The following PLEKHA2 variants were observed in gnomAD, a reference collection of about 807,000 sequenced individuals.
PLEKHA2 encodes the protein pleckstrin homology domain-containing family A member 2.
A neutral mutation model predicts 53.2 loss-of-function variants in PLEKHA2; 28 were observed. The ratio of observed to expected loss-of-function variants is 0.53; its 90% CI spans 0.39 to 0.72. PLEKHA2 has a LOEUF of 0.72. PLEKHA2 is among the 30% of genes least tolerant of loss of function. The pLI is 0.00. For synonymous variants in PLEKHA2, 193 were observed against 196.4 expected (o/e 0.98, Z 0.14); for missense variants, 426 against 537.9 (o/e 0.79, Z 2.06).
At chr8:38,932,340 G>A (rs1019585877) in intron 2 of PLEKHA2, among the ~76,000 whole-genome samples, 1 of 152,190 alleles carries the variant, frequency 6.6e-6, no homozygotes, top group Non-Finnish European at 1.5e-5. Context: ...ATTCTGGTGT[G>A]CACCAAAGTT....
intron 3 of PLEKHA2, among the ~76,000 whole-genome samples, chr8:38,939,509 C>T (rs1286064804): frequency 6.6e-6 from 1 of 152,172 alleles, no homozygotes; most frequent in Non-Finnish European, 1.5e-5. Context: ...TGCCTCCTGA[C>T]CAAAACTGGA....
intron 2 of PLEKHA2, among the ~76,000 whole-genome samples, chr8:38,931,003 C>T (rs1834382851): frequency 1.3e-5 from 2 of 152,272 alleles, no homozygotes; most frequent in South Asian, 2.1e-4. Context: ...GGCCAGGAGA[C>T]ATGGTGGCCC....
intron 6 of PLEKHA2, among the ~76,000 whole-genome samples, chr8:38,951,878 A>T (rs1167515461): frequency 6.6e-6 from 1 of 151,942 alleles, no homozygotes; most frequent in Admixed American, 6.6e-5. Context: ...TTTAATTTTT[A>T]AATTTTAAAA....
intron 10 of PLEKHA2, among the ~76,000 whole-genome samples, chr8:38,963,839 A>G (rs978667335): frequency 6.6e-6 from 1 of 151,986 alleles, no homozygotes; most frequent in Non-Finnish European, 1.5e-5. Flanking sequence ...CTGAGTTACT[A>G]TCTAGGTTAT....
intron 2 of PLEKHA2, 46 bp downstream of exon 2, chr8:38,918,116 C>A: frequency 6.3e-7 from 1 of 1,589,698 alleles, no homozygotes; most frequent in South Asian, 1.1e-5. Context: ...GTGCCCATCA[C>A]TGCGCCAGAG....
In PLEKHA2 at chr8:38,952,218, G is replaced by C; in HGVS notation, c.539G>C (p.Arg180Pro). ...GAGCCCGGGTCCCACACCATCCTTC[G>C]AAGGTCTCAGAGTTACATCCCCACG... The part of the protein sequence containing the change: ...GSEPGSHTIL[R>P]RSQSYIPTSG... The change falls in exon 7 of 12, where the codon CGA becomes CCA. Residue 180 changes from arginine to proline, a missense_variant. Transcript: ENST00000617275. 1 of 1,613,024 alleles carries C rather than the reference G, an allele frequency of 6.2e-7. No individual in the cohort carries two copies. Among genetic ancestry groups the C allele is most frequent in the South Asian group, 1.1e-5 (1 of 90,702 alleles).
At chr8:38,934,471 A>G (rs1415430380) in intron 2 of PLEKHA2, among the ~76,000 whole-genome samples, 2 of 151,710 alleles carry the variant, frequency 1.3e-5, no homozygotes, top group Non-Finnish European at 2.9e-5. Context: ...TCTCTCTTCC[A>G]GAGATTTTTC....
chr8:38,933,385 G>A (rs1211844449), intron 2 of PLEKHA2, among the ~76,000 whole-genome samples: 1 of 152,162 alleles, frequency 6.6e-6, no homozygotes, highest in Non-Finnish European at 1.5e-5. Context: ...TAATGTCACA[G>A]CTAGAATTCC....
At chr8:38,907,492 A>G (rs1225633825) in intron 1 of PLEKHA2, among the ~76,000 whole-genome samples, 1 of 152,186 alleles carries the variant, frequency 6.6e-6, no homozygotes, top group East Asian at 1.9e-4. Flanking sequence ...AAATAAATCT[A>G]TCTGGCTGGG....
intron 9 of PLEKHA2, among the ~76,000 whole-genome samples, chr8:38,955,312 A>G (rs1426769033): frequency 6.6e-6 from 1 of 152,192 alleles, no homozygotes; most frequent in Non-Finnish European, 1.5e-5. Context: ...TTTACTGGCT[A>G]TGCATGAGTA....
At chr8:38,902,946 T>C (rs980708002) in intron 1 of PLEKHA2, among the ~76,000 whole-genome samples, 30 of 152,248 alleles carry the variant, frequency 2.0e-4, no homozygotes, top group Admixed American at 3.3e-4. Context: ...CTTCACCATG[T>C]GCCGCCTGAA....
At chr8:38,918,269 C>G (rs1299906684) in intron 2 of PLEKHA2, among the ~76,000 whole-genome samples, 199 bp downstream of exon 2, 1 of 151,354 alleles carries the variant, frequency 6.6e-6, no homozygotes, top group Non-Finnish European at 1.5e-5. Context: ...ACACCCCATA[C>G]ACACCACACA....
rs949986682 is a variant in PLEKHA2 at position 38,950,974 on chromosome 8, A to C, written c.470A>C (p.His157Pro). Residue 157 changes from histidine (H) to proline (P), a missense_variant, in exon 6 of 12, where the codon CAC (histidine) becomes CCC (proline). By Grantham distance (77) the His-to-Pro change is moderately conservative (BLOSUM62 -2). Coordinates refer to ENST00000617275, the MANE Select transcript of PLEKHA2 (RefSeq NM_021623.2). The part of the protein sequence containing the change: ...KTEIIGGVVV[H>P]TPISQNGGDG... ...GAGATCATTGGAGGGGTGGTGGTCCACACACCCATCAGCCAGGTGAGGGGC... is the reference window on the plus strand; with the variant it reads ...GAGATCATTGGAGGGGTGGTGGTCCCCACACCCATCAGCCAGGTGAGGGGC... The C allele has an allele frequency of 5.0e-6, 8 of 1,613,428 alleles. No individual in the cohort carries two copies. The highest frequency in any genetic ancestry group is 6.8e-6 in the Non-Finnish European group (8 of 1,179,718).
intron 2 of PLEKHA2, among the ~76,000 whole-genome samples, chr8:38,933,778 T>TAAA (rs774899490): frequency 4.1e-5 from 2 of 49,020 alleles, no homozygotes; most frequent in African/African-American, 1.4e-4. Flanking sequence ...AGAGGTTTCC[T>TAAA]AAAAAAAAAA....
intron 3 of PLEKHA2, among the ~76,000 whole-genome samples, chr8:38,939,388 C>A (rs185910312): frequency 3.4e-4 from 52 of 152,232 alleles, no homozygotes. Context: ...CAGAACCGAT[C>A]CTGTTAATTC....
At chr8:38,918,294 C>T (rs1834099178) in intron 2 of PLEKHA2, among the ~76,000 whole-genome samples, 1 of 143,546 alleles carries the variant, frequency 7.0e-6, no homozygotes, top group South Asian at 2.3e-4. Flanking sequence ...CACACACATG[C>T]ACCTTATACA....
Position 38,970,185 on chromosome 8 carries a change from T to G in PLEKHA2, c.*402T>G. The G allele has an allele frequency of 2.3e-6, 1 of 436,424 alleles. No individual in the cohort carries two copies. Among genetic ancestry groups the G allele is most frequent in the Non-Finnish European group, 4.0e-6 (1 of 252,098 alleles). The allele number at this position is 436,424 out of a possible 1,614,324, so 27.0% of individuals were successfully genotyped here. A position where few individuals can be genotyped will look rare whatever the true frequency, so the allele number is the denominator to read the frequency against. ...TTTCCTTGTCCTTGTTTTAGTTTTT[T>G]CATTTTGTTTTCAGTCCAGGTGCCT... On this transcript the variant is annotated 3_prime_UTR_variant, in exon 12 of 12. Transcript: ENST00000617275.
At chr8:38,944,674 G>GC (rs1564137032) in intron 4 of PLEKHA2, among the ~76,000 whole-genome samples, 1 of 151,920 alleles carries the variant, frequency 6.6e-6, no homozygotes, top group Non-Finnish European at 1.5e-5. Flanking sequence ...ATGAGAAACC[G>GC]CCCCCACGAC....
At chr8:38,952,467 G>T (rs577287566) in intron 7 of PLEKHA2, among the ~76,000 whole-genome samples, 155 bp downstream of exon 7, 30 of 152,274 alleles carry the variant, frequency 2.0e-4, no homozygotes, top group African/African-American at 7.2e-4. Flanking sequence ...CTGACCTTTG[G>T]CTCCCACCTG....
Sources: gnomAD v4.1 joint callset for allele counts (sites outside exome capture counted in the v4.1 genomes callset) on GRCh38, gnomAD v4.1.1 for gene constraint, MANE v1.5 for transcripts, NCBI Gene and HGNC (gene_info 2026-07-23, HGNC 2026-07-21) for gene names.